Variants in SHISA9 observed in about 807,000 individuals in gnomAD.
SHISA9 encodes the protein protein shisa-9.
Under a neutral mutation model 38.0 loss-of-function variants are expected in SHISA9, and 13 were observed. The ratio of observed to expected loss-of-function variants is 0.34; its 90% CI spans 0.22 to 0.54. The LOEUF (loss-of-function observed/expected upper bound fraction) is 0.54. Ranked by LOEUF, SHISA9 falls within the 20% of genes least tolerant of loss-of-function variation. SHISA9 has a pLI of 0.91. For synonymous variants in SHISA9, 275 were observed against 242.0 expected (o/e 1.14, Z -1.27); for missense variants, 538 against 575.8 (o/e 0.93, Z 0.67).
the SHISA9 span, among the ~76,000 whole-genome samples, chr16:13,489,740 A>G: frequency 2.6e-5 from 4 of 152,210 alleles, no homozygotes; most frequent in African/African-American, 7.2e-5. Flanking sequence ...GTATGTCTTT[A>G]CTAGCACCGT....
At chr16:12,922,104 G>T (rs547558883) in intron 2 of SHISA9, among the ~76,000 whole-genome samples, 1 of 152,302 alleles carries the variant, frequency 6.6e-6, no homozygotes, top group East Asian at 1.9e-4. Flanking sequence ...ACATTCTATT[G>T]CCTTTTCTTG....
chr16:13,417,565 C>T, the SHISA9 span, among the ~76,000 whole-genome samples: 1 of 152,220 alleles, frequency 6.6e-6, no homozygotes, highest in East Asian at 1.9e-4. Flanking sequence ...TTCTTCAAGT[C>T]TTCACTGTCA....
At chr16:13,297,195 C>T in the SHISA9 span, among the ~76,000 whole-genome samples, 1 of 152,206 alleles carries the variant, frequency 6.6e-6, no homozygotes, top group African/African-American at 2.4e-5. Context: ...ATGGAATAGG[C>T]TATTTTCAAG....
the SHISA9 span, among the ~76,000 whole-genome samples, chr16:13,536,808 A>T: frequency 1.9e-3 from 294 of 152,328 alleles, 3 homozygotes; most frequent in African/African-American, 6.8e-3. Context: ...AAAGATTTTA[A>T]CTGTGAAACA....
At chr16:13,501,195 G>T in the SHISA9 span, among the ~76,000 whole-genome samples, 1 of 152,114 alleles carries the variant, frequency 6.6e-6, no homozygotes, top group African/African-American at 2.4e-5. Context: ...ACAAATTGAG[G>T]GTAGGGGGAA....
downstream of SHISA9, among the ~76,000 whole-genome samples, chr16:13,243,288 G>T (rs2051448611): frequency 6.6e-6 from 1 of 152,064 alleles, no homozygotes; most frequent in Non-Finnish European, 1.5e-5. Context: ...TCGAGGACAT[G>T]TGTCTGTGAC....
intron 2 of SHISA9, among the ~76,000 whole-genome samples, chr16:13,073,701 G>T (rs1237125923): frequency 6.6e-6 from 1 of 152,132 alleles, no homozygotes; most frequent in Non-Finnish European, 1.5e-5. Flanking sequence ...AGGTTATCCT[G>T]GATAAGGGTG....
intron 2 of SHISA9, among the ~76,000 whole-genome samples, chr16:13,126,280 C>T (rs984169925): frequency 2.0e-5 from 3 of 152,174 alleles, no homozygotes; most frequent in African/African-American, 7.2e-5. Flanking sequence ...CTGTCATGAT[C>T]TGTTTTCCTC....
chr16:13,142,766 A>G (rs1343555343), intron 2 of SHISA9, among the ~76,000 whole-genome samples: 1 of 152,160 alleles, frequency 6.6e-6, no homozygotes, highest in Non-Finnish European at 1.5e-5. Flanking sequence ...ATGGTGATAC[A>G]GCAACCTTAC....
At chr16:13,394,584 C>T in the SHISA9 span, among the ~76,000 whole-genome samples, 2 of 152,128 alleles carry the variant, frequency 1.3e-5, no homozygotes, top group East Asian at 1.9e-4. Context: ...TTGGCTTTCT[C>T]GTTCTCACTC....
intron 2 of SHISA9, among the ~76,000 whole-genome samples, chr16:13,120,493 T>C (rs2074075483): frequency 1.3e-5 from 2 of 152,302 alleles, no homozygotes; most frequent in East Asian, 3.9e-4. Flanking sequence ...CGGAGAACGC[T>C]GGGGACTGAG....
At chr16:13,169,426 G>A (rs1421792510) in intron 2 of SHISA9, among the ~76,000 whole-genome samples, 1 of 152,096 alleles carries the variant, frequency 6.6e-6, no homozygotes, top group Admixed American at 6.6e-5. Flanking sequence ...ACACTGAAAG[G>A]CCATTATGTT....
chr16:13,061,045 C>T lies in SHISA9; in HGVS notation c.692-142349C>T, dbSNP rs188744306. Among the ~76,000 whole-genome samples, 110 of 152,288 alleles carry T rather than the reference C, an allele frequency of 7.2e-4. 1 individual carries two copies. Among genetic ancestry groups the T allele is most frequent in the African/African-American group, 2.5e-3 (105 of 41,554 alleles). On this transcript the variant is annotated intron_variant, in intron 2 of 4. Transcript: ENST00000558583. ...CGGGGACCTTGTGGTCCCAATGCTC[C>T]TGTCTCCACTGGGACTGAAGGAACT...
rs573778956 is a variant in SHISA9, at chr16:13,211,428, T to A, written c.848-1825T>A. The stretch of plus-strand genomic sequence containing the variant: ...TACATACAGTGACATACACAGTTCA[T>A]AATTTTACAATAGTGTGATTGTTTA... On this transcript the variant is annotated intron_variant, in intron 3 of 4. Transcript: ENST00000558583. 1.8e-4 allele frequency among the ~76,000 whole-genome samples: 27 copies of A among 152,306 alleles called. No homozygotes were observed. The South Asian group carries it at 5.2e-3, about 29-fold the overall frequency.
chr16:13,059,587 A>G (rs2073350998), intron 2 of SHISA9, among the ~76,000 whole-genome samples: 1 of 152,236 alleles, frequency 6.6e-6, no homozygotes, highest in African/African-American at 2.4e-5. Flanking sequence ...TACCTAGGTG[A>G]TGGGTTGATA....
In SHISA9 at chr16:13,096,368, C is replaced by T. The variant is rs953620912; in HGVS notation, c.692-107026C>T. On this transcript the variant is annotated intron_variant, in intron 2 of 4. Transcript: ENST00000558583. ...ACAAACGCCATATCATCTCTGCCCT[C>T]AAGAAGCTTATAGATTAGTGGGGAA... 2.0e-5 allele frequency among the ~76,000 whole-genome samples: 3 copies of T among 152,258 alleles called. No individual in the cohort carries two copies. The South Asian group carries it at 6.2e-4, about 32-fold the overall frequency.
chr16:12,962,183 A>G (rs1347113080), intron 2 of SHISA9, among the ~76,000 whole-genome samples: 2 of 152,192 alleles, frequency 1.3e-5, no homozygotes, highest in Non-Finnish European at 2.9e-5. Context: ...TTTCATACAC[A>G]TGATCTCAAA....
chr16:13,230,795 G>T (rs927431392), intron 4 of SHISA9, among the ~76,000 whole-genome samples: 3 of 152,190 alleles, frequency 2.0e-5, no homozygotes, highest in African/African-American at 7.2e-5. Flanking sequence ...GTTATTTCTT[G>T]ATGATATGCT....
intron 1 of SHISA9, among the ~76,000 whole-genome samples, chr16:12,905,063 C>T (rs1389090698): frequency 6.6e-6 from 1 of 152,074 alleles, no homozygotes; most frequent in Non-Finnish European, 1.5e-5. Flanking sequence ...AATGTGCAGC[C>T]AATCGCTGTT....
Sources: gnomAD v4.1 joint callset for allele counts (sites outside exome capture counted in the v4.1 genomes callset) on GRCh38, gnomAD v4.1.1 for gene constraint, MANE v1.5 for transcripts, NCBI Gene and HGNC (gene_info 2026-07-23, HGNC 2026-07-21) for gene names.